Variants in TRPM3 observed in about 807,000 individuals in gnomAD.
TRPM3 encodes the protein transient receptor potential cation channel subfamily M member 3.
Under a neutral mutation model 181.2 loss-of-function variants are expected in TRPM3, and 77 were observed. The ratio of observed to expected loss-of-function variants is 0.42; its 90% CI spans 0.35 to 0.51. The LOEUF is 0.51. Among genes scored for constraint, TRPM3 ranks in the 20% least tolerant of loss-of-function variants. The probability of loss-of-function intolerance (pLI) is 0.01; values close to 1 mark genes in which losing one functional copy is unlikely to be tolerated. For missense variants in TRPM3, 1,759 were observed against 2,196.7 expected (o/e 0.80, Z 3.98); for synonymous variants, 745 against 796.4 (o/e 0.94, Z 1.09).
chr9:70,920,873 T>C (rs939388020), intron 1 of TRPM3, among the ~76,000 whole-genome samples: 4 of 152,208 alleles, frequency 2.6e-5, no homozygotes, highest in African/African-American at 7.2e-5. Context: ...TATTAGGCAT[T>C]CATTTTTAGC....
chr9:70,665,668 G>A (rs994924078), intron 9 of TRPM3, among the ~76,000 whole-genome samples: 2 of 152,030 alleles, frequency 1.3e-5, no homozygotes, highest in African/African-American at 4.8e-5. Flanking sequence ...AACTGAGGGA[G>A]TAAAAGAAAA....
intron 1 of TRPM3, among the ~76,000 whole-genome samples, chr9:71,046,355 A>G (rs1272444539): frequency 2.6e-5 from 4 of 152,214 alleles, no homozygotes; most frequent in Admixed American, 2.0e-4. Context: ...TTTCTAAGGA[A>G]TTCATGCTGG....
At chr9:70,653,031 A>G (rs1162740679) in intron 9 of TRPM3, among the ~76,000 whole-genome samples, 1 of 152,138 alleles carries the variant, frequency 6.6e-6, no homozygotes, top group Non-Finnish European at 1.5e-5. Context: ...ATGTGCTTAC[A>G]GCAGAAGGGG....
chr9:71,237,033 C>A, intron 1 of TRPM3, among the ~76,000 whole-genome samples: 1 of 78,556 alleles, frequency 1.3e-5, no homozygotes, highest in Non-Finnish European at 2.2e-5. Context: ...GGCGATAGAG[C>A]AAGACTCCAT....
At chr9:71,229,817 C>A (rs921544946) in intron 1 of TRPM3, among the ~76,000 whole-genome samples, 4 of 151,924 alleles carry the variant, frequency 2.6e-5, no homozygotes, top group Admixed American at 2.6e-4. Flanking sequence ...TACAGGAAAC[C>A]CTTGTATGCT....
intron 1 of TRPM3, among the ~76,000 whole-genome samples, chr9:70,870,232 G>T (rs1311834193): frequency 6.6e-6 from 1 of 152,004 alleles, no homozygotes; most frequent in Non-Finnish European, 1.5e-5. Context: ...TCGGTCCTGA[G>T]CCATCTTTTT....
intron 9 of TRPM3, among the ~76,000 whole-genome samples, chr9:70,642,411 A>G (rs1273958909): frequency 6.6e-6 from 1 of 152,194 alleles, no homozygotes; most frequent in Non-Finnish European, 1.5e-5. Context: ...GCAAATGTGT[A>G]TGCTGTTCAT....
At chr9:70,762,069 G>T (rs1393109875) in intron 7 of TRPM3, among the ~76,000 whole-genome samples, 1 of 151,986 alleles carries the variant, frequency 6.6e-6, no homozygotes. Flanking sequence ...TTAAGAATTT[G>T]CTATAGTACT....
At chr9:70,700,039 A>G (rs1269991347) in intron 8 of TRPM3, among the ~76,000 whole-genome samples, 2 of 151,986 alleles carry the variant, frequency 1.3e-5, no homozygotes, top group Non-Finnish European at 2.9e-5. Context: ...CTGGAGTGTA[A>G]TGGTGTGATC....
At chr9:70,753,434 A>C (rs2076530818) in intron 8 of TRPM3, among the ~76,000 whole-genome samples, 1 of 152,146 alleles carries the variant, frequency 6.6e-6, no homozygotes, top group Non-Finnish European at 1.5e-5. Flanking sequence ...AGAGATAAAT[A>C]CGAGGATTGG....
At chr9:71,009,941 A>G (rs1295425750) in intron 1 of TRPM3, among the ~76,000 whole-genome samples, 2 of 152,174 alleles carry the variant, frequency 1.3e-5, no homozygotes, top group Non-Finnish European at 2.9e-5. Context: ...TTTAAAGCCA[A>G]CTGATTTTTG....
intron 6 of TRPM3, chr9:70,811,227 A>T: frequency 6.2e-7 from 1 of 1,611,786 alleles, no homozygotes; most frequent in Non-Finnish European, 8.5e-7. Flanking sequence ...GAGTCAAGAG[A>T]GAAAAACGGC....
chr9:71,076,337 T>G (rs1257173735), intron 1 of TRPM3, among the ~76,000 whole-genome samples: 7 of 152,198 alleles, frequency 4.6e-5, no homozygotes, highest in Non-Finnish European at 7.3e-5. Context: ...TACTGAATTT[T>G]GTAATAAAAA....
At chr9:70,772,608 C>A (rs4744613) in intron 7 of TRPM3, among the ~76,000 whole-genome samples, 24,428 of 152,198 alleles carry the variant, frequency 0.16, 2,495 homozygotes, top group South Asian at 0.29. Flanking sequence ...CAAGCGTGAG[C>A]CACCACACCC....
At chr9:71,037,535 G>A (rs2058352762) in intron 1 of TRPM3, among the ~76,000 whole-genome samples, 1 of 152,240 alleles carries the variant, frequency 6.6e-6, no homozygotes, top group African/African-American at 2.4e-5. Context: ...GTGCACACAT[G>A]CGTGTGCGCA....
At chr9:70,761,533 ATGT>A (rs1375927514) in intron 8 of TRPM3, 65 bp downstream of exon 8, 3 of 1,609,610 alleles carry the variant, frequency 1.9e-6, no homozygotes, top group South Asian at 1.1e-5. Flanking sequence ...ATTTGAGAAA[ATGT>A]TGTGTGATTC....
intron 1 of TRPM3, among the ~76,000 whole-genome samples, chr9:70,980,067 G>GCACACACA (rs10527749): frequency 0.087 from 11,993 of 137,724 alleles, 734 homozygotes; most frequent in Non-Finnish European, 0.13. Flanking sequence ...GCATGTGCGT[G>GCACACACA]CACACACACA....
At chr9:71,383,213 T>C (rs934397663) in intron 1 of TRPM3, among the ~76,000 whole-genome samples, 6 of 152,206 alleles carry the variant, frequency 3.9e-5, no homozygotes, top group African/African-American at 1.4e-4. Flanking sequence ...TATATACGTG[T>C]ATGTACATGT....
chr9:70,631,994 C>T (rs1438698190), intron 12 of TRPM3, among the ~76,000 whole-genome samples: 1 of 152,132 alleles, frequency 6.6e-6, no homozygotes, highest in African/African-American at 2.4e-5. Flanking sequence ...GACTGTGTTC[C>T]TAACTCATGA....
Sources: gnomAD v4.1 joint callset for allele counts (sites outside exome capture counted in the v4.1 genomes callset) on GRCh38, gnomAD v4.1.1 for gene constraint, MANE v1.5 for transcripts, NCBI Gene and HGNC (gene_info 2026-07-23, HGNC 2026-07-21) for gene names.